The following CYP2S1 variants were observed in gnomAD, a reference collection of about 807,000 sequenced individuals.
CYP2S1 encodes cytochrome P450 2S1.
CYP2S1 carries 32 observed loss-of-function variants against 43.5 expected under a neutral mutation model. The ratio of observed to expected loss-of-function variants is 0.74; its 90% CI spans 0.56 to 0.99. The LOEUF is 0.99. Ranked by LOEUF, CYP2S1 falls within the 50% of genes least tolerant of loss-of-function variation. The pLI, the probability that CYP2S1 is intolerant of heterozygous loss-of-function variation, is 0.00. For missense variants in CYP2S1, 575 were observed against 673.9 expected (o/e 0.85, Z 1.62); for synonymous variants, 283 against 302.9 (o/e 0.93, Z 0.68).
At position 41,198,427 on chromosome 19, in the gene CYP2S1, A is replaced by G. The variant is rs1216751736; in HGVS notation, c.494-35A>G. Reference sequence around the variant, plus strand: ...AACCTGCTCCCCTCTGCCTGGCTCCATCACAGCCTACCTCCCTGCCCCCAT... The same window carrying G: ...AACCTGCTCCCCTCTGCCTGGCTCCGTCACAGCCTACCTCCCTGCCCCCAT... On this transcript the variant is annotated intron_variant, in intron 3 of 8. Coordinates refer to ENST00000310054, the MANE Select transcript of CYP2S1 (RefSeq NM_030622.8). The surrounding 1 kb of genome is among the most constrained non-coding windows in gnomAD (Gnocchi z 4.9). The G allele has an allele frequency of 6.2e-7, 1 of 1,608,042 alleles. No homozygotes were observed. The highest frequency in any genetic ancestry group is 8.5e-7 in the Non-Finnish European group (1 of 1,177,308).
In CYP2S1 at chr19:41,203,502, C is replaced by T; in HGVS notation, c.1029C>T (p.Ser343=). The part of the protein sequence containing the change: ...NRELGAGQAP[S]LGDRTRLPYT... ...AGCTGGGGGCTGGCCAGGCACCAAG[C>T]CTAGGGGACCGTACCCGCCTCCCTT... Residue 343 remains serine (S), a synonymous_variant, in exon 7 of 9, where the codon AGC becomes AGT. Coordinates refer to ENST00000310054, the MANE Select transcript of CYP2S1 (RefSeq NM_030622.8). 6.2e-7 allele frequency: 1 copy of T among 1,603,780 alleles called. No individual in the cohort carries two copies. The highest frequency in any genetic ancestry group is 8.5e-7 in the Non-Finnish European group (1 of 1,174,050).
chr19:41,205,716 C>G (rs963952248), intron 7 of CYP2S1, among the ~76,000 whole-genome samples: 4 of 151,916 alleles, frequency 2.6e-5, no homozygotes, highest in African/African-American at 9.7e-5. Context: ...GAGACAAGGT[C>G]TTGTTATATT....
intron 2 of CYP2S1, among the ~76,000 whole-genome samples, chr19:41,197,207 AATT>A (rs1391605580): frequency 6.6e-6 from 1 of 151,892 alleles, no homozygotes; most frequent in East Asian, 1.9e-4. Context: ...TAATAATAAT[AATT>A]ACAAAACAGA....
intron 2 of CYP2S1, 107 bp downstream of exon 2, chr19:41,194,816 G>C (rs2033391176): frequency 2.6e-5 from 37 of 1,446,652 alleles, no homozygotes; most frequent in Non-Finnish European, 3.0e-5. Context: ...GTCAAATGGA[G>C]TGATAACAGT....
chr19:41,205,368 T>C (rs56075336), intron 7 of CYP2S1, among the ~76,000 whole-genome samples: 5 of 70,946 alleles, frequency 7.0e-5, no homozygotes, highest in African/African-American at 3.5e-4. Context: ...CTTTCTTTCT[T>C]TCTTTCTTTC....
intron 7 of CYP2S1, among the ~76,000 whole-genome samples, chr19:41,203,859 A>C (rs1298194120): frequency 3.6e-5 from 5 of 139,078 alleles, no homozygotes; most frequent in Non-Finnish European, 7.7e-5. Flanking sequence ...CCCTTTCTGC[A>C]TATATTTTTT....
At chr19:41,199,560 T>TTG (rs1295997534) in intron 5 of CYP2S1, among the ~76,000 whole-genome samples, 3 of 151,748 alleles carry the variant, frequency 2.0e-5, no homozygotes, top group Non-Finnish European at 2.9e-5. Context: ...TTTTTTTTTT[T>TTG]CTTTGTAGAG....
rs2033448786 is a variant in CYP2S1, at chr19:41,198,747, A to G, written c.693A>G (p.Pro231=). The G allele has an allele frequency of 2.5e-6, 4 of 1,613,714 alleles. No homozygotes were observed. Among genetic ancestry groups the G allele is most frequent in the Non-Finnish European group, 3.4e-6 (4 of 1,179,982 alleles). Reference sequence around the variant, plus strand: ...TCTCCTGGTTCCTGCGGCCCCTGCCAGGCCCCCACAAGCAGCTCCTCCACC... The same window carrying G: ...TCTCCTGGTTCCTGCGGCCCCTGCCGGGCCCCCACAAGCAGCTCCTCCACC... ...EMFSWFLRPL[P]GPHKQLLHHV... Residue 231 remains proline, a synonymous_variant, in exon 5 of 9, where the codon CCA becomes CCG. Transcript: ENST00000310054. The surrounding 1 kb of genome is among the most constrained non-coding windows in gnomAD (Gnocchi z 4.9).
In CYP2S1 at chr19:41,202,172, G is replaced by C. The variant is rs565236184; in HGVS notation, c.976+800G>C. ...CCAGCTAACTTTTGTATGTTTAGTA[G>C]AGACAGGGTTTCCCCATGTTGGCCA... is the stretch of plus-strand genomic sequence containing the variant. On this transcript the variant is annotated intron_variant, in intron 6 of 8. Transcript: ENST00000310054. 2.0e-5 allele frequency among the ~76,000 whole-genome samples: 3 copies of C among 152,180 alleles called. No homozygotes were observed. In the South Asian group the frequency reaches 6.2e-4, roughly 32 times the overall value.
At position 41,206,262 on chromosome 19, in the gene CYP2S1, T is replaced by C. The variant is rs778681601; in HGVS notation, c.1307-18T>C. 14 of 1,613,414 alleles carry C rather than the reference T, an allele frequency of 8.7e-6. No homozygotes were observed. The African/African-American group carries it at 1.5e-4, about 17-fold the overall frequency. ...AGGAATACTGACTCAGCCCTCTCTCTCTCTCTCTCCTCACCAGGGAAGCGT... is the reference window on the plus strand; with the variant it reads ...AGGAATACTGACTCAGCCCTCTCTCCCTCTCTCTCCTCACCAGGGAAGCGT... On this transcript the variant is annotated intron_variant, in intron 8 of 8. Transcript: ENST00000310054.
At chr19:41,200,719 TA>T (rs1443479784) in intron 5 of CYP2S1, among the ~76,000 whole-genome samples, 1 of 152,146 alleles carries the variant, frequency 6.6e-6, no homozygotes, top group Non-Finnish European at 1.5e-5. Context: ...GAAATGTTTT[TA>T]AAAATGAAAG....
intron 1 of CYP2S1, among the ~76,000 whole-genome samples, chr19:41,194,280 G>A (rs1047052963): frequency 6.6e-5 from 10 of 152,094 alleles, no homozygotes; most frequent in African/African-American, 1.9e-4. Context: ...ATTGCCCAGC[G>A]TCAGAGGTTA....
chr19:41,205,380 T>TTCTC (rs757107358), intron 7 of CYP2S1, among the ~76,000 whole-genome samples: 309 of 127,740 alleles, frequency 2.4e-3, no homozygotes, highest in Admixed American at 4.2e-3. Context: ...CTTTCTTTCT[T>TTCTC]TCTCTCTCTC....
intron 1 of CYP2S1, 63 bp from the exon 2 acceptor site, chr19:41,194,478 CATG>C: frequency 1.3e-6 from 2 of 1,483,278 alleles, no homozygotes; most frequent in Non-Finnish European, 1.8e-6. Context: ...TGACAGGGGC[CATG>C]ATGGAGACAC....
chr19:41,196,926 G>T (rs997267617), intron 2 of CYP2S1, among the ~76,000 whole-genome samples: 1 of 152,166 alleles, frequency 6.6e-6, no homozygotes, highest in Admixed American at 6.5e-5. Context: ...GCCAGGTGCG[G>T]TGCTCACGCT....
At position 41,193,303 on chromosome 19, in the gene CYP2S1, G is replaced by A. The variant is rs1313462240; in HGVS notation, c.39G>A (p.Leu13=). The part of the protein sequence containing the change: ...ATGTWALLLA[L]ALLLLLTLAL... ...GCACCTGGGCGCTGCTGCTGGCGCT[G>A]GCGCTGCTCCTGCTGCTGACGCTGG... The change falls in exon 1 of 9, where the codon CTG becomes CTA. Residue 13 remains leucine, a synonymous_variant. Coordinates refer to ENST00000310054, the MANE Select transcript of CYP2S1 (RefSeq NM_030622.8). 2 of 1,542,210 alleles carry A rather than the reference G, an allele frequency of 1.3e-6. No individual in the cohort carries two copies. The highest frequency in any genetic ancestry group is 8.7e-7 in the Non-Finnish European group (1 of 1,144,816).
chr19:41,207,084 G>C lies in CYP2S1; in HGVS notation c.*596G>C, dbSNP rs80142449. ...CTTGTCCACACAGCTACCCACGTAC[G>C]ACATCGTCCTGGCTCCCCAGAGTAT... On this transcript the variant is annotated 3_prime_UTR_variant, in exon 9 of 9. Coordinates refer to ENST00000310054, the MANE Select transcript of CYP2S1 (RefSeq NM_030622.8). 3.1e-6 allele frequency: 1 copy of C among 325,906 alleles called. No homozygotes were observed. Among genetic ancestry groups the C allele is most frequent in the African/African-American group, 2.2e-5 (1 of 46,282 alleles). 20.2% of individuals were successfully genotyped at this position (325,906 alleles called of 1,614,324 possible). A position where few individuals can be genotyped will look rare whatever the true frequency, so the allele number is the denominator to read the frequency against.
In CYP2S1 at chr19:41,197,800, A is replaced by T; in HGVS notation, c.365A>T (p.Glu122Val). The T allele has an allele frequency of 6.2e-7, 1 of 1,613,474 alleles. No individual in the cohort carries two copies. Among genetic ancestry groups the T allele is most frequent in the Non-Finnish European group, 8.5e-7 (1 of 1,179,940 alleles). ...GCAGGGGTTTTCTTCTCCAACGGGG[A>T]GCGGTGGAGGCAGCTGAGGAAGTTT... is the stretch of plus-strand genomic sequence containing the variant. ...DGHGVFFSNGERWRQLRKFTM... is the reference protein window; with the variant it reads ...DGHGVFFSNGVRWRQLRKFTM... Residue 122 changes from glutamate to valine, a missense_variant, in exon 3 of 9, where the codon GAG (glutamate) becomes GTG (valine). Physicochemically the swap from Glu to Val is moderately radical, Grantham distance 121. Around this residue, in one of 2 missense-constraint regions of CYP2S1, gnomAD observed 353 missense variants for 367.6 expected, o/e 0.96. Coordinates refer to ENST00000310054, the MANE Select transcript of CYP2S1 (RefSeq NM_030622.8).
chr19:41,194,735 C>T (rs370495846), intron 2 of CYP2S1, 26 bp downstream of exon 2: 467 of 1,589,264 alleles, frequency 2.9e-4, no homozygotes, highest in Non-Finnish European at 3.7e-4. Flanking sequence ...CTAGGCCCTC[C>T]GCTCACAGCC....
Sources: gnomAD v4.1 joint callset for allele counts (sites outside exome capture counted in the v4.1 genomes callset) on GRCh38, gnomAD v4.1.1 for gene constraint, gnomAD v4.1.1 regional missense constraint, Gnocchi (gnomAD v3.1) non-coding constraint, MANE v1.5 for transcripts, NCBI Gene and HGNC (gene_info 2026-07-23, HGNC 2026-07-21) for gene names.